DAB1: variants seen among roughly 807,000 people sequenced by gnomAD.
DAB1 encodes DAB adaptor protein 1.
DAB1 carries 15 observed loss-of-function variants against 64.6 expected under a neutral mutation model. The observed-to-expected ratio is 0.23, with a 90% CI of 0.16 to 0.36. The LOEUF is 0.36. Ranked by LOEUF, DAB1 falls within the 10% of genes least tolerant of loss-of-function variation. DAB1 has a pLI of 1.00. For synonymous variants in DAB1, 235 were observed against 251.9 expected (o/e 0.93, Z 0.64); for missense variants, 596 against 706.7 (o/e 0.84, Z 1.78).
chr1:58,141,891 T>A (rs2100716317), intron 5 of DAB1, among the ~76,000 whole-genome samples: 1 of 152,262 alleles, frequency 6.6e-6, no homozygotes, highest in South Asian at 2.1e-4. Flanking sequence ...CTAGACAAAG[T>A]ACCTTCCACC....
intron 5 of DAB1, among the ~76,000 whole-genome samples, chr1:57,892,643 A>G (rs1172126515): frequency 6.6e-6 from 1 of 152,140 alleles, no homozygotes; most frequent in Non-Finnish European, 1.5e-5. Flanking sequence ...TTCTCACCTG[A>G]TAGTCTCTTT....
intron 4 of DAB1, among the ~76,000 whole-genome samples, chr1:58,201,362 GC>G (rs1188321598): frequency 6.6e-6 from 1 of 152,130 alleles, no homozygotes; most frequent in African/African-American, 2.4e-5. Context: ...CTTGACAAGT[GC>G]CCTTTCAGAA....
intron 6 of DAB1, among the ~76,000 whole-genome samples, chr1:57,737,735 T>C (rs979799627): frequency 2.6e-5 from 4 of 152,132 alleles, no homozygotes; most frequent in African/African-American, 9.7e-5. Context: ...GACACAACCA[T>C]TTTGAGAAGG....
chr1:58,393,415 A>G (rs1373031026), intron 3 of DAB1, among the ~76,000 whole-genome samples: 1 of 152,226 alleles, frequency 6.6e-6, no homozygotes, highest in Non-Finnish European at 1.5e-5. Context: ...GCATTACGCT[A>G]AGAGTTTTAT....
chr1:57,977,107 T>C (rs552140609), intron 5 of DAB1, among the ~76,000 whole-genome samples: 1 of 152,294 alleles, frequency 6.6e-6, no homozygotes, highest in East Asian at 1.9e-4. Flanking sequence ...TCCACATTCT[T>C]TTGTACAGGT....
intron 3 of DAB1, among the ~76,000 whole-genome samples, chr1:58,479,146 A>G (rs1166973616): frequency 6.6e-6 from 1 of 152,202 alleles, no homozygotes; most frequent in East Asian, 1.9e-4. Context: ...ATGGGAATGG[A>G]AGAAAAAGTA....
chr1:57,187,963 G>T (rs528272849), intron 2 of DAB1, among the ~76,000 whole-genome samples: 1 of 152,202 alleles, frequency 6.6e-6, no homozygotes, highest in East Asian at 1.9e-4. Flanking sequence ...GGAGAGAGAG[G>T]TCCTCTTTGG....
At chr1:57,176,970 T>TAAAAAAAA (rs146465598) in intron 2 of DAB1, among the ~76,000 whole-genome samples, 1 of 61,038 alleles carries the variant, frequency 1.6e-5, no homozygotes. Context: ...CAGCAGCAGA[T>TAAAAAAAA]ATAAAAAAAA....
At chr1:57,435,046 C>CTTTTTTTTTTTTTTTTTT (rs71580850) in intron 7 of DAB1, among the ~76,000 whole-genome samples, 2 of 93,096 alleles carry the variant, frequency 2.1e-5, no homozygotes, top group African/African-American at 4.3e-5. Context: ...TTCTTTTTTT[C>CTTTTTTTTTTTTTTTTTT]TTTTTTTTTT....
At chr1:58,002,536 A>T (rs565324879) in intron 5 of DAB1, among the ~76,000 whole-genome samples, 10 of 152,294 alleles carry the variant, frequency 6.6e-5, no homozygotes, top group African/African-American at 2.4e-4. Context: ...GTTCTGGCTT[A>T]TGGCTCTTTA....
chr1:57,344,683 C>T (rs562809001), intron 1 of DAB1, among the ~76,000 whole-genome samples: 16 of 151,970 alleles, frequency 1.1e-4, no homozygotes, highest in African/African-American at 3.1e-4. Flanking sequence ...CATCTGTGCT[C>T]GTGTGTAATT....
At chr1:58,480,873 T>C (rs1277013399) in intron 3 of DAB1, 4 of 698,404 alleles carry the variant, frequency 5.7e-6, no homozygotes, top group Non-Finnish European at 9.6e-6. Flanking sequence ...TATCCTTTTT[T>C]TTTTCACTTC....
intron 5 of DAB1, among the ~76,000 whole-genome samples, chr1:58,107,862 C>T (rs1651754814): frequency 6.6e-6 from 1 of 152,092 alleles, no homozygotes; most frequent in South Asian, 2.1e-4. Flanking sequence ...GATGATCCAC[C>T]CACCTTGGCC....
chr1:58,112,741 C>T (rs1652046376), intron 5 of DAB1, among the ~76,000 whole-genome samples: 1 of 152,138 alleles, frequency 6.6e-6, no homozygotes, highest in Non-Finnish European at 1.5e-5. Flanking sequence ...ATGTCATGAA[C>T]AATTTTCTAA....
intron 10 of DAB1, among the ~76,000 whole-genome samples, chr1:57,025,111 C>A (rs1207354498): frequency 6.6e-6 from 1 of 152,200 alleles, no homozygotes; most frequent in African/African-American, 2.4e-5. Context: ...GCTGTCCCCT[C>A]CCGGCAGCTT....
At chr1:58,373,583 T>A (rs1644292509) in intron 3 of DAB1, among the ~76,000 whole-genome samples, 1 of 151,976 alleles carries the variant, frequency 6.6e-6, no homozygotes, top group Admixed American at 6.6e-5. Context: ...TGTTGGACAT[T>A]TGGGTTGGTT....
At chr1:58,267,963 T>G (rs1237802892) in intron 4 of DAB1, among the ~76,000 whole-genome samples, 2 of 152,120 alleles carry the variant, frequency 1.3e-5, no homozygotes, top group East Asian at 3.9e-4. Context: ...TATCTGTCTA[T>G]CCAATTACTC....
At chr1:57,648,196 A>G (rs941880280) in intron 7 of DAB1, among the ~76,000 whole-genome samples, 83 of 152,126 alleles carry the variant, frequency 5.5e-4, no homozygotes, top group African/African-American at 1.8e-3. Context: ...TCTTCTCTCT[A>G]TTGCGGCAAA....
rs1056300176 is a variant in DAB1 at position 58,323,855 on chromosome 1, G to A, written n.309+19497C>T. Among the ~76,000 whole-genome samples, 6 of 150,864 alleles carry A rather than the reference G, an allele frequency of 4.0e-5. No individual in the cohort carries two copies. The South Asian group carries it at 1.1e-3, about 26-fold the overall frequency. On this transcript the variant is annotated intron_variant and non_coding_transcript_variant, in intron 4 of 20. Transcript: ENST00000485760. ...CAGGAGAATGGCGTGAATCTGGGAG[G>A]TGGAGCTTGCAGTGAGCCCAGATTG...
Sources: allele counts gnomAD v4.1 joint callset (sites outside exome capture counted in the v4.1 genomes callset), GRCh38; gene constraint gnomAD v4.1.1; transcripts MANE v1.5; gene names NCBI Gene and HGNC (gene_info 2026-07-23, HGNC 2026-07-21).